Variants in PRKN observed in about 807,000 individuals in gnomAD.
The protein encoded by PRKN is E3 ubiquitin-protein ligase parkin.
PRKN carries 56 observed loss-of-function variants against 59.5 expected under a neutral mutation model. The ratio of observed to expected loss-of-function variants is 0.94; its 90% CI spans 0.76 to 1.18. The LOEUF is 1.18. Among genes scored for constraint, PRKN ranks in the 50% most tolerant of loss-of-function variants. PRKN has a pLI of 0.00. For missense variants in PRKN, 657 were observed against 596.4 expected (o/e 1.10, Z -1.06); for synonymous variants, 250 against 222.1 (o/e 1.13, Z -1.12).
At chr6:161,427,589 C>T (rs900072454) in intron 9 of PRKN, among the ~76,000 whole-genome samples, 11 of 152,132 alleles carry the variant, frequency 7.2e-5, no homozygotes, top group African/African-American at 2.7e-4. Flanking sequence ...GCAATCATTA[C>T]ATGAAATCTG....
intron 1 of PRKN, among the ~76,000 whole-genome samples, chr6:162,482,283 T>C (rs1792345174): frequency 6.6e-6 from 1 of 152,182 alleles, no homozygotes; most frequent in Non-Finnish European, 1.5e-5. Context: ...AACTTTTTAT[T>C]TTATGTTCAG....
At chr6:162,394,111 A>C (rs1283404920) in intron 2 of PRKN, among the ~76,000 whole-genome samples, 1 of 152,210 alleles carries the variant, frequency 6.6e-6, no homozygotes, top group Middle Eastern at 3.2e-3. Context: ...CCATAATATT[A>C]ACAAACATTT....
At chr6:162,522,390 C>G (rs1752337168) in intron 1 of PRKN, among the ~76,000 whole-genome samples, 1 of 152,242 alleles carries the variant, frequency 6.6e-6, no homozygotes, top group African/African-American at 2.4e-5. Flanking sequence ...TCCCAAAGTG[C>G]TGGGATTAGT....
At position 161,467,598 on chromosome 6, in the gene PRKN, A is replaced by C. The variant is rs748931461; in HGVS notation, c.1084-80721T>G. ...CAGGTTGAGAGGTGCTGAGCCTAAA[A>C]GGAGGATACAGGGAAGGCTTCCTGG... On this transcript the variant is annotated intron_variant, in intron 9 of 11. Coordinates refer to ENST00000366898, the MANE Select transcript of PRKN (RefSeq NM_004562.3). The surrounding 1 kb of genome is among the most constrained non-coding windows in gnomAD (Gnocchi z 4.3). Among the ~76,000 whole-genome samples, 2 of 152,212 alleles carry C rather than the reference A, an allele frequency of 1.3e-5. No homozygotes were observed. The highest frequency in any genetic ancestry group is 2.4e-5 in the African/African-American group (1 of 41,464).
intron 1 of PRKN, among the ~76,000 whole-genome samples, chr6:162,721,993 T>A (rs1166219856): frequency 6.6e-6 from 1 of 152,234 alleles, no homozygotes; most frequent in Admixed American, 6.5e-5. Context: ...TGTGCTGATA[T>A]GTACATACAT....
In PRKN at chr6:161,730,148, T is replaced by G. The variant is rs1393577741; in HGVS notation, c.871+55624A>C. Among the ~76,000 whole-genome samples, 5 of 152,094 alleles carry G rather than the reference T, an allele frequency of 3.3e-5. No individual in the cohort carries two copies. In the East Asian group the frequency reaches 9.6e-4, roughly 29 times the overall value. On this transcript the variant is annotated intron_variant, in intron 7 of 11. Coordinates refer to ENST00000366898, the MANE Select transcript of PRKN (RefSeq NM_004562.3). ...TTGCATTCTGATGTGTTGGATTCTT[T>G]CTGATGTGTTGCATTCTTTCTGATG...
chr6:162,566,082 A>C (rs1476044328), intron 1 of PRKN, among the ~76,000 whole-genome samples: 3 of 152,188 alleles, frequency 2.0e-5, no homozygotes, highest in Non-Finnish European at 2.9e-5. Context: ...AGATATATTA[A>C]GATAAAGCAC....
At chr6:162,421,149 G>C (rs1166469402) in intron 2 of PRKN, among the ~76,000 whole-genome samples, 1 of 152,088 alleles carries the variant, frequency 6.6e-6, no homozygotes, top group Non-Finnish European at 1.5e-5. Flanking sequence ...ATAATTGAGA[G>C]GAAACAGGCT....
intron 7 of PRKN, among the ~76,000 whole-genome samples, chr6:161,779,553 T>C (rs953919858): frequency 1.4e-5 from 2 of 139,594 alleles, no homozygotes; most frequent in African/African-American, 5.2e-5. Context: ...CAAGCGATTC[T>C]CCTGTCTCAG....
chr6:161,741,534 T>C (rs1788183713), intron 7 of PRKN, among the ~76,000 whole-genome samples: 1 of 152,082 alleles, frequency 6.6e-6, no homozygotes, highest in Admixed American at 6.5e-5. Context: ...GGCCTCTGTC[T>C]TTCCAGAAAG....
chr6:162,446,812 T>C (rs908182980), intron 1 of PRKN, among the ~76,000 whole-genome samples: 1 of 152,116 alleles, frequency 6.6e-6, no homozygotes, highest in East Asian at 1.9e-4. Flanking sequence ...GTGGGAAACA[T>C]GTCATGTCCC....
At chr6:162,128,160 T>C (rs1312623181) in intron 4 of PRKN, among the ~76,000 whole-genome samples, 6 of 152,206 alleles carry the variant, frequency 3.9e-5, no homozygotes, top group Non-Finnish European at 8.8e-5. Context: ...GTGGGCCTCC[T>C]GAGGGCAAGA....
chr6:162,240,110 C>G (rs543919862), intron 3 of PRKN, among the ~76,000 whole-genome samples: 2 of 152,122 alleles, frequency 1.3e-5, no homozygotes, highest in African/African-American at 4.8e-5. Context: ...GTTTTACGCT[C>G]AGGTTTGAAT....
At position 162,197,249 on chromosome 6, in the gene PRKN, C is replaced by T. The variant is rs575155760; in HGVS notation, c.534+3882G>A. Among the ~76,000 whole-genome samples, 20 of 152,250 alleles carry T rather than the reference C, an allele frequency of 1.3e-4. 2 individuals carry two copies. The South Asian group carries it at 4.2e-3, about 32-fold the overall frequency. On this transcript the variant is annotated intron_variant, in intron 4 of 11. Coordinates refer to ENST00000366898, the MANE Select transcript of PRKN (RefSeq NM_004562.3). ...AGCACCTACTCCATTATTGCAAAGC[C>T]TAAATTTGCTGGTGAATCAGTAGTG...
At chr6:162,407,816 T>C (rs970437603) in intron 2 of PRKN, among the ~76,000 whole-genome samples, 1 of 152,210 alleles carries the variant, frequency 6.6e-6, no homozygotes. Context: ...GTTAATGTCT[T>C]GCTAGAGCAA....
At chr6:162,482,914 A>C (rs570816457) in intron 1 of PRKN, among the ~76,000 whole-genome samples, 1 of 143,570 alleles carries the variant, frequency 7.0e-6, no homozygotes, top group Admixed American at 7.0e-5. Flanking sequence ...CTCCGGCCTG[A>C]GGGTATGCAC....
chr6:162,248,804 A>G (rs763882768), intron 3 of PRKN, among the ~76,000 whole-genome samples: 1 of 152,122 alleles, frequency 6.6e-6, no homozygotes, highest in African/African-American at 2.4e-5. Flanking sequence ...TTTAATGTTA[A>G]TTTTTATGGA....
intron 5 of PRKN, among the ~76,000 whole-genome samples, chr6:161,985,752 C>A (rs989962379): frequency 6.6e-6 from 1 of 152,168 alleles, no homozygotes; most frequent in Non-Finnish European, 1.5e-5. Context: ...ACTTTCTAAC[C>A]TCCTTGCCTC....
At chr6:161,556,470 A>G (rs1012829566) in intron 8 of PRKN, among the ~76,000 whole-genome samples, 7 of 152,224 alleles carry the variant, frequency 4.6e-5, no homozygotes, top group African/African-American at 1.2e-4. Flanking sequence ...TATCATTAGC[A>G]AAGATCCTTA....
Sources: gnomAD v4.1 joint callset for allele counts (sites outside exome capture counted in the v4.1 genomes callset) on GRCh38, gnomAD v4.1.1 for gene constraint, Gnocchi (gnomAD v3.1) non-coding constraint, MANE v1.5 for transcripts, NCBI Gene and HGNC (gene_info 2026-07-23, HGNC 2026-07-21) for gene names.